Variants in EFHC2 observed in about 807,000 individuals in gnomAD.
EFHC2 encodes the protein EF-hand domain containing 2.
EFHC2 carries 18 observed loss-of-function variants against 52.7 expected under a neutral mutation model. The observed-to-expected ratio is 0.34, with a 90% CI of 0.24 to 0.51. The LOEUF (loss-of-function observed/expected upper bound fraction) is 0.51, where lower values mean the gene tolerates loss of function less well. Ranked by LOEUF, EFHC2 falls within the 20% of genes least tolerant of loss-of-function variation. The pLI is 0.97. For missense variants in EFHC2, 513 were observed against 562.5 expected, an observed-to-expected ratio of 0.91 and a Z score of 0.89; for synonymous variants, 203 against 204.1, an observed-to-expected ratio of 0.99 and a Z score of 0.04.
At chrX:44,174,820 C>T (rs1025646349) in intron 13 of EFHC2, among the ~76,000 whole-genome samples, 5 of 111,006 alleles carry the variant, frequency 4.5e-5, no homozygotes, top group Admixed American at 1.9e-4. Flanking sequence ...CGGCAGGATC[C>T]CTCACACGGC....
chrX:44,253,486 C>T (rs2037469342), intron 4 of EFHC2, among the ~76,000 whole-genome samples: 1 of 111,620 alleles, frequency 9.0e-6, no homozygotes, highest in Non-Finnish European at 1.9e-5. Flanking sequence ...TTTCCCCTCA[C>T]AGTGTAAACA....
At chrX:44,313,314 G>C (rs1395844674) in intron 1 of EFHC2, among the ~76,000 whole-genome samples, 3 of 111,329 alleles carry the variant, frequency 2.7e-5, no homozygotes, top group Non-Finnish European at 5.7e-5. Context: ...GTGATCTGGA[G>C]AGAGAGGAGA....
At chrX:44,276,125 A>G (rs2037655906) in intron 2 of EFHC2, among the ~76,000 whole-genome samples, 1 of 111,076 alleles carries the variant, frequency 9.0e-6, no homozygotes, top group Admixed American at 9.6e-5. Flanking sequence ...CCTAGAGGAT[A>G]TAAAACCTTA....
rs766337222 is a variant in EFHC2 at position 44,280,030 on chromosome X, T to TACACACACACACACACAC, written c.232-7212_232-7195dup. ...CGCCACAGACATCCACCATCCCCCA[T>TACACACACACACACACAC]ACACACACACACACACACACACACA... On this transcript the variant is annotated intron_variant, in intron 2 of 14. Transcript: ENST00000420999. Among the ~76,000 whole-genome samples, 74 of 66,819 alleles carry TACACACACACACACACAC rather than the reference T, an allele frequency of 1.1e-3. 2 individuals are homozygous for TACACACACACACACACAC. Among genetic ancestry groups the TACACACACACACACACAC allele is most frequent in the African/African-American group, 4.2e-3 (69 of 16,402 alleles). 58.0% of individuals were successfully genotyped at this position (66,819 alleles called of 115,157 possible). A position where few individuals can be genotyped will look rare whatever the true frequency, so the allele number is the denominator to read the frequency against.
rs766337222 is a variant in EFHC2 at position 44,280,030 on chromosome X, TACAC to T, written c.232-7198_232-7195del. Among the ~76,000 whole-genome samples the T allele has an allele frequency of 6.9e-3, 458 of 66,799 alleles. 5 individuals carry two copies. Among genetic ancestry groups the T allele is most frequent in the South Asian group, 0.017 (20 of 1,153 alleles). 58.0% of individuals were successfully genotyped at this position (66,799 alleles called of 115,157 possible). A position where few individuals can be genotyped will look rare whatever the true frequency, so the allele number is the denominator to read the frequency against. ...CGCCACAGACATCCACCATCCCCCA[TACAC>T]ACACACACACACACACACACACACA... On this transcript the variant is annotated intron_variant, in intron 2 of 14. Coordinates refer to ENST00000420999, the MANE Select transcript of EFHC2 (RefSeq NM_025184.4).
Position 44,261,229 on chromosome X carries a change from T to A in EFHC2, c.452A>T (p.His151Leu). The A allele has an allele frequency of 1.7e-6, 2 of 1,211,556 alleles. No homozygotes were observed. The highest frequency in any genetic ancestry group is 5.9e-5 in the East Asian group (2 of 33,846). ...GACAACCTCTGTGCCGACATTAAAA[T>A]GATACACAGTATAAAACTGATCCTC... ...PDEDQFYTVYHFNVGTEVVFY... is the reference protein window; with the variant it reads ...PDEDQFYTVYLFNVGTEVVFY... Residue 151 changes from histidine (H) to leucine (L), a missense_variant, in exon 4 of 15, where the codon CAT becomes CTT. By Grantham distance (99) the His-to-Leu change is moderately conservative (BLOSUM62 -3). Coordinates refer to ENST00000420999, the MANE Select transcript of EFHC2 (RefSeq NM_025184.4).
At chrX:44,163,862 G>T (rs1442382301) in intron 14 of EFHC2, 60 bp downstream of exon 14, 2 of 750,673 alleles carry the variant, frequency 2.7e-6, no homozygotes, top group Non-Finnish European at 4.0e-6. Flanking sequence ...AAAGATAAAG[G>T]ATATTAAACA....
intron 1 of EFHC2, among the ~76,000 whole-genome samples, chrX:44,338,521 A>G (rs899049508): frequency 9.1e-6 from 1 of 109,932 alleles, no homozygotes; most frequent in Non-Finnish European, 1.9e-5. Context: ...CAAAAAAAAA[A>G]AGATGGAGAT....
chrX:44,287,955 A>G (rs1342982967), intron 2 of EFHC2, among the ~76,000 whole-genome samples: 1 of 112,329 alleles, frequency 8.9e-6, no homozygotes, highest in Non-Finnish European at 1.9e-5. Context: ...AGACAGAGGG[A>G]TTTGCTTTTT....
At chrX:44,304,743 G>C (rs1211660598) in intron 2 of EFHC2, among the ~76,000 whole-genome samples, 1 of 109,983 alleles carries the variant, frequency 9.1e-6, no homozygotes, top group Non-Finnish European at 1.9e-5. Flanking sequence ...TCTTTTGCCT[G>C]TTTTTAGAAA....
At chrX:44,168,247 C>T (rs756520937) in intron 13 of EFHC2, among the ~76,000 whole-genome samples, 6 of 111,886 alleles carry the variant, frequency 5.4e-5, no homozygotes, top group Non-Finnish European at 9.4e-5. Flanking sequence ...CTTTAGAAAG[C>T]GGTGTCCGGG....
chrX:44,255,715 C>T (rs963324706), intron 4 of EFHC2, among the ~76,000 whole-genome samples: 6 of 111,492 alleles, frequency 5.4e-5, no homozygotes, highest in East Asian at 2.8e-4. Context: ...GACAGATCAA[C>T]GAGACAGAAA....
intron 1 of EFHC2, among the ~76,000 whole-genome samples, chrX:44,338,509 C>T (rs1164497194): frequency 2.8e-5 from 3 of 106,735 alleles, no homozygotes; most frequent in Non-Finnish European, 3.8e-5. Context: ...AAGACCCTAT[C>T]GCAAAAAAAA....
chrX:44,211,786 G>A (rs747678105), intron 11 of EFHC2, among the ~76,000 whole-genome samples: 3 of 103,435 alleles, frequency 2.9e-5, no homozygotes, highest in African/African-American at 1.1e-4. Flanking sequence ...GTACGAGAAC[G>A]GCGTGAAGCC....
intron 2 of EFHC2, among the ~76,000 whole-genome samples, chrX:44,275,948 C>T (rs2037654480): frequency 9.2e-6 from 1 of 108,994 alleles, no homozygotes; most frequent in Non-Finnish European, 1.9e-5. Flanking sequence ...AAATAAGGTC[C>T]TAGAGGATGT....
chrX:44,317,104 CT>C (rs1456450262), intron 1 of EFHC2, among the ~76,000 whole-genome samples: 3 of 112,199 alleles, frequency 2.7e-5, no homozygotes, highest in Non-Finnish European at 5.6e-5. Context: ...GAGCTCCCTG[CT>C]TCTAGTGAGC....
intron 1 of EFHC2, among the ~76,000 whole-genome samples, chrX:44,325,365 A>T (rs1481459465): frequency 9.0e-6 from 1 of 110,698 alleles, no homozygotes; most frequent in Admixed American, 9.8e-5. Context: ...AGCAAATGAT[A>T]AAGTTAGGAA....
chrX:44,289,677 C>CTTTTTTTT (rs1207899077), intron 2 of EFHC2, among the ~76,000 whole-genome samples: 35 of 72,284 alleles, frequency 4.8e-4, no homozygotes, highest in African/African-American at 8.4e-4. Context: ...TCTTTTCTTT[C>CTTTTTTTT]TTTTTTTTTT....
chrX:44,164,348 AAAAGATTT>A lies in EFHC2; in HGVS notation c.2043-329_2043-322del, dbSNP rs755844095. Reference sequence around the variant, plus strand: ...TGAAGACTATAGTGAAATTTTGTTAAAAAGATTTAAAGGTCCTTTTAGTTTAATGGTTG... The same window carrying A: ...TGAAGACTATAGTGAAATTTTGTTAAAAAGGTCCTTTTAGTTTAATGGTTG... On this transcript the variant is annotated intron_variant, in intron 13 of 14. Transcript: ENST00000420999. Among the ~76,000 whole-genome samples the A allele has an allele frequency of 2.4e-3, 274 of 112,279 alleles. 2 individuals are homozygous for A. Among genetic ancestry groups the A allele is most frequent in the African/African-American group, 8.3e-3 (256 of 30,981 alleles).
Sources: allele counts gnomAD v4.1 joint callset (sites outside exome capture counted in the v4.1 genomes callset), GRCh38; gene constraint gnomAD v4.1.1; transcripts MANE v1.5; gene names NCBI Gene and HGNC (gene_info 2026-07-23, HGNC 2026-07-21).